Variants in KIF1B observed in about 807,000 individuals in gnomAD.
KIF1B encodes kinesin-like protein KIF1B.
A neutral mutation model predicts 241.9 loss-of-function variants in KIF1B; 76 were observed. That is an observed-to-expected ratio of 0.31 (90% CI 0.26 to 0.38). The LOEUF is 0.38. KIF1B is among the 10% of genes least tolerant of loss of function. The probability of loss-of-function intolerance (pLI) is 1.00; values close to 1 mark genes in which losing one functional copy is unlikely to be tolerated. For missense variants in KIF1B, 1,622 were observed against 2,271.4 expected (o/e 0.71, Z 5.81); for synonymous variants, 750 against 796.7 (o/e 0.94, Z 0.99).
In KIF1B at chr1:10,375,353, A is replaced by G. The variant is rs1001768942; in HGVS notation, c.5388A>G (p.Pro1796=). 8 of 1,613,220 alleles carry G rather than the reference A, an allele frequency of 5.0e-6. No individual in the cohort carries two copies. The highest frequency in any genetic ancestry group is 2.2e-5 in the East Asian group (1 of 44,892). Residue 1796 remains proline (P), a synonymous_variant, in exon 48 of 49, where the codon CCA becomes CCG. Transcript: ENST00000676179. The part of the protein sequence containing the change: ...DMNDWLYAFN[P]LLAGTIRSKL... ...ACGACTGGTTGTATGCCTTCAACCCACTTCTAGCTGGCACAATACGGTAAG... is the reference window on the plus strand; with the variant it reads ...ACGACTGGTTGTATGCCTTCAACCCGCTTCTAGCTGGCACAATACGGTAAG...
At chr1:10,313,062 GTTTTGTT>G (rs1311509797) in intron 22 of KIF1B, among the ~76,000 whole-genome samples, 2 of 150,948 alleles carry the variant, frequency 1.3e-5, no homozygotes, top group South Asian at 4.2e-4. Context: ...TTTTTGTTTT[GTTTTGTT>G]TTTTGTTTTT....
At chr1:10,285,022 T>C (rs1453175976) in intron 15 of KIF1B, among the ~76,000 whole-genome samples, 1 of 152,170 alleles carries the variant, frequency 6.6e-6, no homozygotes, top group Non-Finnish European at 1.5e-5. Context: ...GTTGGTAAAA[T>C]TGACTTTGAA....
At chr1:10,334,717 C>G (rs1274703755) in intron 28 of KIF1B, 79 bp downstream of exon 28, 1 of 1,064,760 alleles carries the variant, frequency 9.4e-7, no homozygotes, top group Non-Finnish European at 1.5e-6. Flanking sequence ...GTGGGTCACG[C>G]TTATATTACA....
At chr1:10,280,891 C>T (rs1255892902) in intron 14 of KIF1B, among the ~76,000 whole-genome samples, 2 of 152,196 alleles carry the variant, frequency 1.3e-5, no homozygotes, top group African/African-American at 4.8e-5. Context: ...CTGACTCCTT[C>T]TCAGTTTCCA....
chr1:10,347,695 C>T, intron 35 of KIF1B, 66 bp from the exon 36 acceptor site: 12 of 1,329,308 alleles, frequency 9.0e-6, no homozygotes, highest in Non-Finnish European at 1.2e-5. Context: ...AAACAAAGAC[C>T]ACCAGGGGCT....
chr1:10,324,079 A>G lies in KIF1B; in HGVS notation c.2537+17A>G. On this transcript the variant is annotated intron_variant, in intron 25 of 48. Transcript: ENST00000676179. ...GAAACTCAAGTATGAAAACATTCATAAAGGCTGGTTGTTTTATTTAGGAAA... is the reference window on the plus strand; with the variant it reads ...GAAACTCAAGTATGAAAACATTCATGAAGGCTGGTTGTTTTATTTAGGAAA... 6.2e-7 allele frequency: 1 copy of G among 1,613,192 alleles called. No homozygotes were observed. Among genetic ancestry groups the G allele is most frequent in the Non-Finnish European group, 8.5e-7 (1 of 1,179,328 alleles).
At chr1:10,363,178 A>G in intron 40 of KIF1B, 105 bp from the exon 41 acceptor site, 1 of 816,874 alleles carries the variant, frequency 1.2e-6, no homozygotes, top group Non-Finnish European at 2.1e-6. Flanking sequence ...CTGGAATTAT[A>G]TTTGAGTCCC....
chr1:10,276,289 T>C lies in KIF1B; in HGVS notation c.959-32T>C, dbSNP rs751886602. On this transcript the variant is annotated intron_variant, in intron 11 of 48. Transcript: ENST00000676179. ...CATAAAATTTTTCTTCTAAAATGAG[T>C]GTGATTTGATACTCATGATTAATCT... The C allele has an allele frequency of 9.4e-6, 14 of 1,483,902 alleles. No individual in the cohort carries two copies. The South Asian group carries it at 1.5e-4, about 16-fold the overall frequency. The allele number at this position is 1,483,902 out of a possible 1,614,324, so 91.9% of individuals were successfully genotyped here.
chr1:10,249,194 T>G (rs1647307635), intron 2 of KIF1B, among the ~76,000 whole-genome samples: 1 of 152,164 alleles, frequency 6.6e-6, no homozygotes, highest in South Asian at 2.1e-4. Context: ...GTTCCTTAAT[T>G]ACTGTAATTC....
chr1:10,240,973 A>G (rs1456147294), intron 2 of KIF1B, among the ~76,000 whole-genome samples: 1 of 152,064 alleles, frequency 6.6e-6, no homozygotes, highest in Non-Finnish European at 1.5e-5. Context: ...CAGACACTTG[A>G]GCCTTAGGTT....
chr1:10,348,578 G>A, intron 36 of KIF1B, 71 bp from the exon 37 acceptor site: 1 of 1,167,978 alleles, frequency 8.6e-7, no homozygotes, highest in Non-Finnish European at 1.3e-6. Flanking sequence ...TGCCATACAG[G>A]CCAGAAAACA....
At chr1:10,277,860 T>C (rs1649198623) in intron 12 of KIF1B, 126 bp from the exon 13 acceptor site, 5 of 820,852 alleles carry the variant, frequency 6.1e-6, no homozygotes, top group Non-Finnish European at 7.9e-6. Context: ...TTTATACAAA[T>C]GTATTATTAT....
intron 3 of KIF1B, among the ~76,000 whole-genome samples, chr1:10,256,690 AAAT>A (rs200673196): frequency 2.9e-4 from 43 of 148,806 alleles, no homozygotes; most frequent in Non-Finnish European, 4.6e-4. Context: ...AGGAAATGCC[AAAT>A]AATAATAATA....
At chr1:10,277,954 A>C in intron 12 of KIF1B, 32 bp from the exon 13 acceptor site, 12 of 1,603,196 alleles carry the variant, frequency 7.5e-6, no homozygotes, top group African/African-American at 6.7e-5. Flanking sequence ...CATATGAGAA[A>C]TGACAAGAAC....
At position 10,221,446 on chromosome 1, in the gene KIF1B, G is replaced by C. The variant is rs553919857; in HGVS notation, c.-80+10568G>C. 2.6e-4 allele frequency among the ~76,000 whole-genome samples: 39 copies of C among 152,174 alleles called. No individual in the cohort carries two copies. In the South Asian group the frequency reaches 8.1e-3, roughly 32 times the overall value. On this transcript the variant is annotated intron_variant, in intron 1 of 48. Coordinates refer to ENST00000676179, the MANE Select transcript of KIF1B (RefSeq NM_001365951.3). ...TTTGAACTTCCACAGCGTGGCCCAT[G>C]GTTAACTTTTATTCAGAGTCAAAAA...
rs1368597760 is a variant in KIF1B at position 10,271,599 on chromosome 1, A to C, written c.798+20A>C. ...TTAAAGGTATTTATTTTAGCAAATA[A>C]ATGGCCTGATCAATAAATGGCCACT... On this transcript the variant is annotated intron_variant, in intron 8 of 48. Coordinates refer to ENST00000676179, the MANE Select transcript of KIF1B (RefSeq NM_001365951.3). The C allele has an allele frequency of 3.9e-6, 6 of 1,555,860 alleles. No individual in the cohort carries two copies. The South Asian group carries it at 6.7e-5, about 17-fold the overall frequency.
chr1:10,313,400 G>A (rs925913428), intron 22 of KIF1B, among the ~76,000 whole-genome samples: 13 of 151,226 alleles, frequency 8.6e-5, no homozygotes, highest in African/African-American at 2.2e-4. Flanking sequence ...TGAGAAGATT[G>A]TAATAATTCA....
At chr1:10,322,327 G>C (rs1281807925) in intron 24 of KIF1B, among the ~76,000 whole-genome samples, 2 of 152,166 alleles carry the variant, frequency 1.3e-5, no homozygotes, top group African/African-American at 2.4e-5. Context: ...AGCTCCACGA[G>C]TGGTGTTGAT....
rs61200537 is a variant in KIF1B at position 10,233,710 on chromosome 1, C to CTT, written c.106+1289_106+1290dup. Among the ~76,000 whole-genome samples the CTT allele has an allele frequency of 2.9e-3, 420 of 142,512 alleles. 3 individuals carry two copies. The South Asian group carries it at 0.032, about 11-fold the overall frequency. 93.5% of individuals were successfully genotyped at this position (142,512 alleles called of 152,430 possible). ...GTATATAAATTGTATCTCAATAAAG[C>CTT]TTTTTTTTTTTTTTCTTTTTTGAGA... On this transcript the variant is annotated intron_variant, in intron 2 of 48. Coordinates refer to ENST00000676179, the MANE Select transcript of KIF1B (RefSeq NM_001365951.3).
Sources: allele counts gnomAD v4.1 joint callset (sites outside exome capture counted in the v4.1 genomes callset), GRCh38; gene constraint gnomAD v4.1.1; transcripts MANE v1.5; gene names NCBI Gene and HGNC (gene_info 2026-07-23, HGNC 2026-07-21).